ANK1: variants seen among roughly 807,000 people sequenced by gnomAD.
ANK1 encodes the protein ankyrin 1, also known as ankyrin-1.
Under a neutral mutation model 210.4 loss-of-function variants are expected in ANK1, and 51 were observed. The ratio of observed to expected loss-of-function variants is 0.24; its 90% CI spans 0.19 to 0.31. The LOEUF is 0.31. Among genes scored for constraint, ANK1 ranks in the 10% least tolerant of loss-of-function variants. The pLI is 1.00. For synonymous variants in ANK1, 967 were observed against 1,025.9 expected, an observed-to-expected ratio of 0.94 and a Z score of 1.10; for missense variants, 2,051 against 2,504.4, an observed-to-expected ratio of 0.82 and a Z score of 3.86.
intron 6 of ANK1, 71 bp downstream of exon 6, chr8:41,725,690 G>C: frequency 6.4e-7 from 1 of 1,551,422 alleles, no homozygotes; most frequent in Non-Finnish European, 8.7e-7. Context: ...GGAAGTCGCT[G>C]GGCGTGCGCG....
At chr8:41,720,506 CACTT>C (rs1436820836) in intron 9 of ANK1, among the ~76,000 whole-genome samples, 2 of 152,262 alleles carry the variant, frequency 1.3e-5, no homozygotes, top group Admixed American at 1.3e-4. Flanking sequence ...CTCATTCATT[CACTT>C]AGACATTAAT....
chr8:41,861,910 C>A (rs1813341517), intron 1 of ANK1, among the ~76,000 whole-genome samples: 1 of 152,198 alleles, frequency 6.6e-6, no homozygotes, highest in Non-Finnish European at 1.5e-5. Context: ...GCAGTGCCCA[C>A]CTCCGCACGC....
chr8:41,843,153 T>A lies in ANK1; in HGVS notation c.126+53202A>T, dbSNP rs1809328272. Among the ~76,000 whole-genome samples, 5 of 152,192 alleles carry A rather than the reference T, an allele frequency of 3.3e-5. No individual in the cohort carries two copies. The South Asian group carries it at 1.0e-3, about 32-fold the overall frequency. On this transcript the variant is annotated intron_variant, in intron 1 of 42. Coordinates refer to the ANK1 transcript ENST00000265709. ...ATGAGCCACCGCGCCCAGCCAATGT[T>A]CATATATTTTAACAAAGTATGCTTA...
chr8:41,830,690 C>T (rs912797473), intron 1 of ANK1, among the ~76,000 whole-genome samples: 4 of 152,064 alleles, frequency 2.6e-5, no homozygotes, highest in Admixed American at 6.5e-5. Context: ...GAGTCAGAAG[C>T]GAGTAAGAAA....
intron 30 of ANK1, 70 bp from the exon 31 acceptor site, chr8:41,692,946 C>T: frequency 6.4e-7 from 1 of 1,553,478 alleles, no homozygotes; most frequent in Non-Finnish European, 8.9e-7. Flanking sequence ...CAGACGGGAG[C>T]AGCCCGTGAG....
intron 15 of ANK1, 81 bp downstream of exon 15, chr8:41,714,895 G>A: frequency 7.3e-7 from 1 of 1,369,722 alleles, no homozygotes; most frequent in Non-Finnish European, 1.0e-6. Context: ...GGCAAGAGAT[G>A]GAATCTGCAA....
intron 1 of ANK1, among the ~76,000 whole-genome samples, chr8:41,776,639 G>C (rs1844112010): frequency 6.6e-6 from 1 of 152,206 alleles, no homozygotes; most frequent in Non-Finnish European, 1.5e-5. Context: ...TTGGGGCCCT[G>C]CTGATAAGGG....
chr8:41,802,290 TATAG>T (rs1850005744), upstream of ANK1, among the ~76,000 whole-genome samples: 1 of 152,224 alleles, frequency 6.6e-6, no homozygotes, highest in Non-Finnish European at 1.5e-5. Context: ...ACGCCCGACC[TATAG>T]TTTTACTTCT....
intron 37 of ANK1, among the ~76,000 whole-genome samples, chr8:41,678,249 C>T (rs567217866): frequency 2.7e-4 from 41 of 152,256 alleles, no homozygotes; most frequent in African/African-American, 9.1e-4. Context: ...AGCGATTCTC[C>T]TGCCTCAGCC....
At chr8:41,862,799 C>T (rs989108791) in intron 1 of ANK1, among the ~76,000 whole-genome samples, 4 of 150,916 alleles carry the variant, frequency 2.7e-5, no homozygotes, top group Non-Finnish European at 4.4e-5. Context: ...CACTTGAGGC[C>T]AGGAGTTCAG....
At chr8:41,700,316 T>G (rs967437456) in intron 22 of ANK1, 1 of 1,202,930 alleles carries the variant, frequency 8.3e-7, no homozygotes, top group Non-Finnish European at 1.2e-6. Context: ...GGCTCCAGCT[T>G]ATTAGCTGTC....
chr8:41,802,291 A>G (rs1243700728), upstream of ANK1, among the ~76,000 whole-genome samples: 2 of 152,208 alleles, frequency 1.3e-5, no homozygotes, highest in South Asian at 2.1e-4. Context: ...CGCCCGACCT[A>G]TAGTTTTACT....
chr8:41,843,772 C>T (rs534194373), intron 1 of ANK1, among the ~76,000 whole-genome samples: 1 of 152,344 alleles, frequency 6.6e-6, no homozygotes, highest in Non-Finnish European at 1.5e-5. Context: ...GCAGCTTATA[C>T]ATGTACGGAT....
At chr8:41,797,741 C>T, upstream of ANK1, 2 of 675,738 alleles carry the variant, frequency 3.0e-6, no homozygotes, top group South Asian at 2.5e-5. This position sits in a 1 kb window ranked among gnomAD's most constrained non-coding sequence, Gnocchi z 4.0. Context: ...GCCTGGGGAC[C>T]GCAGATTACA....
chr8:41,668,712 T>A, intron 38 of ANK1, 148 bp from the exon 39 acceptor site: 1 of 900,000 alleles, frequency 1.1e-6, no homozygotes, highest in Non-Finnish European at 1.7e-6. Flanking sequence ...CCTCCAAAGG[T>A]CAGGGGCGCA....
intron 1 of ANK1, among the ~76,000 whole-genome samples, chr8:41,856,129 C>A (rs1051633586): frequency 6.6e-6 from 1 of 152,178 alleles, no homozygotes; most frequent in African/African-American, 2.4e-5. Flanking sequence ...AATCTGGACA[C>A]GTTTGAGAAA....
intron 37 of ANK1, among the ~76,000 whole-genome samples, chr8:41,682,954 G>A (rs771129210): frequency 2.0e-5 from 3 of 152,200 alleles, no homozygotes; most frequent in African/African-American, 7.2e-5. Context: ...CCCCTGAGGG[G>A]AGGCTGGAAT....
intron 1 of ANK1, among the ~76,000 whole-genome samples, chr8:41,780,533 G>A (rs1845068003): frequency 6.6e-6 from 1 of 152,170 alleles, no homozygotes; most frequent in Non-Finnish European, 1.5e-5. Flanking sequence ...GGGAGGGGAC[G>A]CTTCTCCCTC....
At chr8:41,797,892 A>T (rs961858124), upstream of ANK1, among the ~76,000 whole-genome samples, 3 of 151,756 alleles carry the variant, frequency 2.0e-5, no homozygotes, top group Non-Finnish European at 2.9e-5. This position sits in a 1 kb window ranked among gnomAD's most constrained non-coding sequence, Gnocchi z 4.0. Context: ...ACACGCTGAG[A>T]GGGTAGTAAA....
Sources: allele counts gnomAD v4.1 joint callset (sites outside exome capture counted in the v4.1 genomes callset), GRCh38; gene constraint gnomAD v4.1.1; non-coding constraint Gnocchi (gnomAD v3.1); transcripts MANE v1.5; gene names NCBI Gene and HGNC (gene_info 2026-07-23, HGNC 2026-07-21).